Variants in PLD1 observed in about 807,000 individuals in gnomAD.
The protein encoded by PLD1 is phospholipase D1, also known as choline phosphatase 1.
Under a neutral mutation model 137.1 loss-of-function variants are expected in PLD1, and 112 were observed. The observed-to-expected ratio is 0.82, with a 90% CI of 0.70 to 0.96. The LOEUF (loss-of-function observed/expected upper bound fraction) is 0.96. Among genes scored for constraint, PLD1 ranks in the 40% least tolerant of loss-of-function variants. The probability of loss-of-function intolerance (pLI) is 0.00; values close to 1 mark genes in which losing one functional copy is unlikely to be tolerated. For missense variants in PLD1, 1,321 were observed against 1,342.0 expected, an observed-to-expected ratio of 0.98 and a Z score of 0.24; for synonymous variants, 431 against 454.7, an observed-to-expected ratio of 0.95 and a Z score of 0.66.
At chr3:171,688,080 G>A (rs1385895510) in intron 14 of PLD1, among the ~76,000 whole-genome samples, 1 of 151,830 alleles carries the variant, frequency 6.6e-6, no homozygotes, top group Non-Finnish European at 1.5e-5. Flanking sequence ...GAAATAGCAA[G>A]CAGATTGATA....
In PLD1 at chr3:171,710,872, C is replaced by CTTTTTTT. The variant is rs774704143; in HGVS notation, c.912-1170_912-1164dup. 1.2e-3 allele frequency among the ~76,000 whole-genome samples: 119 copies of CTTTTTTT among 98,566 alleles called. 12 individuals are homozygous for CTTTTTTT. The highest frequency in any genetic ancestry group is 4.4e-3 in the African/African-American group (94 of 21,372). The allele number at this position is 98,566 out of a possible 152,430, so 64.7% of individuals were successfully genotyped here. ...TTTCACTAATCATAGGAAAACTGTT[C>CTTTTTTT]TTTTTTTTTTTTTTTTTTTGAGACG... On this transcript the variant is annotated intron_variant, in intron 9 of 26. Coordinates refer to ENST00000351298, the MANE Select transcript of PLD1 (RefSeq NM_002662.5).
chr3:171,639,413 AT>A (rs1348237928), intron 23 of PLD1, among the ~76,000 whole-genome samples: 2 of 125,574 alleles, frequency 1.6e-5, no homozygotes, highest in East Asian at 2.1e-4. Context: ...TTTATATATA[AT>A]TTTTAATTTA....
At chr3:171,644,287 C>G (rs565321609) in intron 22 of PLD1, among the ~76,000 whole-genome samples, 2 of 152,316 alleles carry the variant, frequency 1.3e-5, no homozygotes, top group South Asian at 4.1e-4. Flanking sequence ...CACCAGCTAG[C>G]ACTTTCCAGC....
chr3:171,776,052 A>G (rs1235216900), intron 1 of PLD1, among the ~76,000 whole-genome samples: 1 of 151,952 alleles, frequency 6.6e-6, no homozygotes, highest in Non-Finnish European at 1.5e-5. Context: ...AAAAACAGTA[A>G]CCCCTTCATT....
At chr3:171,647,787 C>A (rs1736388414) in intron 21 of PLD1, among the ~76,000 whole-genome samples, 1 of 152,102 alleles carries the variant, frequency 6.6e-6, no homozygotes, top group South Asian at 2.1e-4. Context: ...ATTACATATA[C>A]AATGTTGTAC....
intron 1 of PLD1, among the ~76,000 whole-genome samples, chr3:171,802,981 T>C (rs1723704366): frequency 6.6e-6 from 1 of 152,212 alleles, no homozygotes; most frequent in African/African-American, 2.4e-5. Flanking sequence ...CAAGGGAACT[T>C]ACAAAATACT....
intron 23 of PLD1, among the ~76,000 whole-genome samples, chr3:171,623,025 C>T (rs992625240): frequency 1.3e-5 from 2 of 152,006 alleles, no homozygotes; most frequent in East Asian, 3.8e-4. Context: ...ACTATCAAGA[C>T]ACAAGAGTAG....
At chr3:171,792,389 G>A (rs1282278620) in intron 1 of PLD1, 3 of 358,144 alleles carry the variant, frequency 8.4e-6, no homozygotes, top group Non-Finnish European at 1.7e-5. Flanking sequence ...AGAGTAGTGG[G>A]GGCTGGGTGG....
intron 19 of PLD1, among the ~76,000 whole-genome samples, chr3:171,663,157 T>A (rs1278286328): frequency 6.6e-6 from 1 of 152,240 alleles, no homozygotes; most frequent in African/African-American, 2.4e-5. Flanking sequence ...CCTTAGCGTC[T>A]ATATTCAATC....
intron 1 of PLD1, among the ~76,000 whole-genome samples, chr3:171,775,936 G>A (rs1244172788): frequency 6.6e-6 from 1 of 152,168 alleles, no homozygotes; most frequent in African/African-American, 2.4e-5. Flanking sequence ...TCTGCGAAAA[G>A]GGGGACCCTA....
At chr3:171,737,825 A>G in intron 2 of PLD1, 67 bp downstream of exon 2, 2 of 1,525,294 alleles carry the variant, frequency 1.3e-6, no homozygotes, top group Non-Finnish European at 1.8e-6. Context: ...TGGTTACTTC[A>G]AATTTGTGGT....
chr3:171,612,116 G>A lies in PLD1; in HGVS notation c.2882+163C>T, dbSNP rs1320144446. ...AAAAAATATTCATGTACCACCTAAA[G>A]TCATTTCGCATACTACTGGTGGTAC... is the stretch of plus-strand genomic sequence containing the variant. On this transcript the variant is annotated intron_variant, in intron 25 of 26. Transcript: ENST00000351298. The surrounding 1 kb of genome is among the most constrained non-coding windows in gnomAD (Gnocchi z 4.1). Among the ~76,000 whole-genome samples the A allele has an allele frequency of 6.6e-6, 1 of 152,172 alleles. No homozygotes were observed. The highest frequency in any genetic ancestry group is 1.9e-4 in the East Asian group (1 of 5,198).
At chr3:171,653,172 T>C (rs1434666251) in intron 21 of PLD1, 1 of 152,176 alleles carries the variant, frequency 6.6e-6, no homozygotes, top group Non-Finnish European at 1.5e-5. Flanking sequence ...ACCAATCCCA[T>C]AAAGTTGATA....
At chr3:171,777,854 T>C (rs1443965318) in intron 1 of PLD1, among the ~76,000 whole-genome samples, 1 of 152,252 alleles carries the variant, frequency 6.6e-6, no homozygotes, top group Admixed American at 6.5e-5. Flanking sequence ...GCAAATCCAT[T>C]AGGCAACAAA....
chr3:171,607,708 C>T (rs1051289839), intron 25 of PLD1, among the ~76,000 whole-genome samples: 2 of 152,148 alleles, frequency 1.3e-5, no homozygotes, highest in African/African-American at 4.8e-5. Flanking sequence ...TCTGTTCTTT[C>T]CGTTCCTCAT....
chr3:171,737,947 A>G lies in PLD1; in HGVS notation c.105T>C (p.Phe35=). The part of the protein sequence containing the change: ...IENLDTRELH[F]EGEEVDYDVS... The stretch of plus-strand genomic sequence containing the variant: ...CGTCGTAGTCTACCTCCTCTCCCTC[A>G]AAGTGGAGTTCCCGCGTGTCCAGAT... The change falls in exon 2 of 27, where the codon TTT becomes TTC. Residue 35 remains phenylalanine (F), a synonymous_variant. Coordinates refer to ENST00000351298, the MANE Select transcript of PLD1 (RefSeq NM_002662.5). 6.2e-7 allele frequency: 1 copy of G among 1,613,986 alleles called. No individual in the cohort carries two copies. Among genetic ancestry groups the G allele is most frequent in the East Asian group, 2.2e-5 (1 of 44,882 alleles).
At chr3:171,769,625 G>C (rs568186062) in intron 1 of PLD1, among the ~76,000 whole-genome samples, 92 of 152,266 alleles carry the variant, frequency 6.0e-4, no homozygotes, top group Middle Eastern at 3.4e-3. Flanking sequence ...TGTGCCTTAG[G>C]GGGTATAAAA....
chr3:171,647,222 A>C (rs1334012601), intron 21 of PLD1, among the ~76,000 whole-genome samples: 1 of 152,196 alleles, frequency 6.6e-6, no homozygotes, highest in Non-Finnish European at 1.5e-5. Context: ...TATTTGCTTT[A>C]GGAGGATGGG....
chr3:171,696,136 G>C (rs905676702), intron 12 of PLD1, among the ~76,000 whole-genome samples: 3 of 152,170 alleles, frequency 2.0e-5, no homozygotes, highest in African/African-American at 7.2e-5. Flanking sequence ...TCAACCTGAA[G>C]ACAAATTCTC....
Sources: gnomAD v4.1 joint callset for allele counts (sites outside exome capture counted in the v4.1 genomes callset) on GRCh38, gnomAD v4.1.1 for gene constraint, Gnocchi (gnomAD v3.1) non-coding constraint, MANE v1.5 for transcripts, NCBI Gene and HGNC (gene_info 2026-07-23, HGNC 2026-07-21) for gene names.